ARFGEF2: variants seen among roughly 807,000 people sequenced by gnomAD.
The protein encoded by ARFGEF2 is ARF guanine nucleotide exchange factor 2.
In ARFGEF2, 74 loss-of-function variants were observed where a neutral mutation model predicts 219.9. The ratio of observed to expected loss-of-function variants is 0.34; its 90% confidence interval spans 0.28 to 0.41. The LOEUF (loss-of-function observed/expected upper bound fraction) is 0.41. ARFGEF2 is among the 10% of genes least tolerant of loss of function. The pLI, the probability that ARFGEF2 is intolerant of heterozygous loss-of-function variation, is 1.00. For synonymous variants in ARFGEF2, 733 were observed against 799.2 expected (o/e 0.92, Z 1.40); for missense variants, 1,743 against 2,218.3 (o/e 0.79, Z 4.30).
intron 3 of ARFGEF2, among the ~76,000 whole-genome samples, chr20:48,950,862 G>GCACACA (rs149975227): frequency 1.0e-5 from 1 of 95,506 alleles, no homozygotes; most frequent in Non-Finnish European, 2.2e-5. Flanking sequence ...GTATATACAT[G>GCACACA]CACACACACA....
intron 14 of ARFGEF2, 49 bp from the exon 15 acceptor site, chr20:48,984,680 C>T (rs1330506888): frequency 5.6e-6 from 9 of 1,610,958 alleles, no homozygotes; most frequent in Non-Finnish European, 7.6e-6. Context: ...TTTTGCTATC[C>T]TCCAGATTTT....
Position 48,988,422 on chromosome 20 carries a change from G to A in ARFGEF2, c.2361+34G>A, listed in dbSNP as rs781659706. ...CTTTAATGATTTACATGTTGTATTA[G>A]CTAAATAAGTGGCTTTACTTGGGCA... On this transcript the variant is annotated intron_variant, in intron 17 of 38. Transcript: ENST00000371917. 10 of 1,610,994 alleles carry A rather than the reference G, an allele frequency of 6.2e-6. No individual in the cohort carries two copies. In the African/African-American group the frequency reaches 1.1e-4, roughly 17 times the overall value.
In ARFGEF2 at chr20:48,991,075, C is replaced by T. The variant is rs755685447; in HGVS notation, c.2850C>T (p.Arg950=). 5 of 1,614,190 alleles carry T rather than the reference C, an allele frequency of 3.1e-6. No individual in the cohort carries two copies. Among genetic ancestry groups the T allele is most frequent in the Non-Finnish European group, 4.2e-6 (5 of 1,180,038 alleles). ...ERDAYVQALA[R]FSLLTASSSI... ...ATGCCTATGTTCAGGCTCTTGCTCG[C>T]TTCTCCCTACTCACAGCCAGCTCCA... is the stretch of plus-strand genomic sequence containing the variant. The change falls in exon 21 of 39, where the codon CGC becomes CGT. Residue 950 remains arginine, a synonymous_variant. Transcript: ENST00000371917.
rs868644761 is a variant in ARFGEF2 at position 48,921,987 on chromosome 20, G to A, written c.98G>A (p.Arg33His). Reference sequence around the variant, plus strand: ...AAGCGGCCCCAGCACTCCCAGCTGCGCAGGGCCTGCCAGGTGGCGCTCGGT... The same window carrying A: ...AAGCGGCCCCAGCACTCCCAGCTGCACAGGGCCTGCCAGGTGGCGCTCGGT... The part of the protein sequence containing the change: ...EVKRPQHSQL[R>H]RACQVALDEI... Residue 33 changes from arginine to histidine, a missense_variant, in exon 1 of 39, where the codon CGC becomes CAC. Arg to His is a conservative substitution (Grantham distance 29). Transcript: ENST00000371917. The A allele has an allele frequency of 6.3e-7, 1 of 1,579,792 alleles. No individual in the cohort carries two copies. Among genetic ancestry groups the A allele is most frequent in the South Asian group, 1.2e-5 (1 of 86,276 alleles).
intron 7 of ARFGEF2, among the ~76,000 whole-genome samples, chr20:48,965,056 C>T (rs1421200320): frequency 6.6e-6 from 1 of 152,152 alleles, no homozygotes; most frequent in Non-Finnish European, 1.5e-5. Context: ...AAGCTATATA[C>T]ATATTCTATT....
chr20:49,004,910 G>A (rs2091448434), intron 25 of ARFGEF2, among the ~76,000 whole-genome samples, 160 bp from the exon 26 acceptor site: 1 of 152,108 alleles, frequency 6.6e-6, no homozygotes, highest in Non-Finnish European at 1.5e-5. Flanking sequence ...AAATAAAACT[G>A]GACAGATCAT....
intron 8 of ARFGEF2, among the ~76,000 whole-genome samples, chr20:48,966,906 G>A (rs1156306128): frequency 6.6e-6 from 1 of 152,178 alleles, no homozygotes; most frequent in Non-Finnish European, 1.5e-5. Flanking sequence ...GAGTGCAGTG[G>A]TGTGATCTCG....
chr20:48,953,713 A>G lies in ARFGEF2; in HGVS notation c.761A>G (p.Glu254Gly), dbSNP rs2091087433. ...GAAAAAACAGATTTAACCAACGGTG[A>G]ACATGCCAGGAGTGATTCTGGAAAA... Reference protein sequence around the residue: ...TPEKTDLTNGEHARSDSGKVS... With the variant: ...TPEKTDLTNGGHARSDSGKVS... The change falls in exon 6 of 39, where the codon GAA becomes GGA. Residue 254 changes from glutamate (E) to glycine (G), a missense_variant. By Grantham distance (98) the Glu-to-Gly change is moderately conservative. Transcript: ENST00000371917. The G allele has an allele frequency of 6.2e-7, 1 of 1,614,116 alleles. No homozygotes were observed. The highest frequency in any genetic ancestry group is 1.3e-5 in the African/African-American group (1 of 74,934).
chr20:48,942,759 C>T (rs2091001650), intron 3 of ARFGEF2, among the ~76,000 whole-genome samples: 1 of 152,090 alleles, frequency 6.6e-6, no homozygotes. Flanking sequence ...GAAATAGAGA[C>T]AGTTGAATCT....
intron 25 of ARFGEF2, among the ~76,000 whole-genome samples, chr20:49,003,087 C>T (rs1004871700): frequency 1.3e-5 from 2 of 151,342 alleles, no homozygotes; most frequent in Non-Finnish European, 2.9e-5. Flanking sequence ...CCTGCCTCAG[C>T]CTCCCCAGTA....
intron 10 of ARFGEF2, 130 bp from the exon 11 acceptor site, chr20:48,972,196 C>A: frequency 1.4e-6 from 1 of 707,738 alleles, no homozygotes; most frequent in Non-Finnish European, 2.5e-6. Context: ...GCCAGGTGGG[C>A]ACTCCACTCT....
At chr20:48,934,324 C>A (rs1342497516) in intron 1 of ARFGEF2, among the ~76,000 whole-genome samples, 2 of 151,926 alleles carry the variant, frequency 1.3e-5, no homozygotes, top group Non-Finnish European at 2.9e-5. Context: ...GTTCCTTTTT[C>A]TCCCTCCGTT....
chr20:48,953,183 CT>C (rs1261794578), intron 5 of ARFGEF2, among the ~76,000 whole-genome samples: 1 of 104,238 alleles, frequency 9.6e-6, no homozygotes, highest in Admixed American at 1.0e-4. Context: ...TTTCTTTTTT[CT>C]TTTTTTTTGG....
At chr20:48,975,745 G>A (rs929951726) in intron 13 of ARFGEF2, among the ~76,000 whole-genome samples, 39 of 146,776 alleles carry the variant, frequency 2.7e-4, no homozygotes, top group Admixed American at 4.2e-4. Context: ...AGGTTGCACT[G>A]AGCCGAGATC....
chr20:48,927,405 G>T (rs1288557137), intron 1 of ARFGEF2, among the ~76,000 whole-genome samples: 3 of 152,120 alleles, frequency 2.0e-5, no homozygotes, highest in Non-Finnish European at 2.9e-5. Flanking sequence ...TTGATGTAAC[G>T]TGGCGGGGCA....
At chr20:48,933,925 G>T (rs2090930118) in intron 1 of ARFGEF2, among the ~76,000 whole-genome samples, 1 of 151,988 alleles carries the variant, frequency 6.6e-6, no homozygotes, top group Non-Finnish European at 1.5e-5. Context: ...TTCAAGAACT[G>T]CCTGGCCAAC....
chr20:48,952,475 C>T (rs535548011), intron 4 of ARFGEF2, among the ~76,000 whole-genome samples: 9 of 152,186 alleles, frequency 5.9e-5, no homozygotes, highest in African/African-American at 1.4e-4. Flanking sequence ...TTAATTGTTT[C>T]GAGTGATTTG....
intron 38 of ARFGEF2, 67 bp from the exon 39 acceptor site, chr20:49,032,956 T>G: frequency 6.9e-7 from 1 of 1,456,592 alleles, no homozygotes; most frequent in Non-Finnish European, 9.6e-7. Context: ...GATTAACACT[T>G]CTGAAAAACT....
Position 48,965,916 on chromosome 20 carries a change from G to A in ARFGEF2, c.952G>A (p.Gly318Ser), listed in dbSNP as rs1489753687. The A allele has an allele frequency of 1.2e-6, 2 of 1,614,200 alleles. No homozygotes were observed. Among genetic ancestry groups the A allele is most frequent in the Admixed American group, 3.3e-5 (2 of 60,022 alleles). ...HGLTEPERVL[G>S]ELECQECAIP... is the part of the protein sequence containing the mutation. ...TCTGACAGAACCTGAGAGAGTTCTA[G>A]GTGAACTGGAGTGCCAGGAATGTGC... Residue 318 changes from glycine to serine, a missense_variant, in exon 8 of 39, where the codon GGT becomes AGT. Physicochemically the swap from Gly to Ser is moderately conservative, Grantham distance 56. Around this residue, in one of 5 missense-constraint regions of ARFGEF2, gnomAD observed 394 missense variants for 426.6 expected, o/e 0.92. Coordinates refer to ENST00000371917, the MANE Select transcript of ARFGEF2 (RefSeq NM_006420.3).
Sources: gnomAD v4.1 joint callset for allele counts (sites outside exome capture counted in the v4.1 genomes callset) on GRCh38, gnomAD v4.1.1 for gene constraint, gnomAD v4.1.1 regional missense constraint, MANE v1.5 for transcripts, NCBI Gene and HGNC (gene_info 2026-07-23, HGNC 2026-07-21) for gene names.